Variants in KAZN observed in about 807,000 individuals in gnomAD.
KAZN encodes the protein kazrin.
In KAZN, 40 loss-of-function variants were observed where a neutral mutation model predicts 87.4. That is an observed-to-expected ratio of 0.46 (90% CI 0.36 to 0.60). The LOEUF (loss-of-function observed/expected upper bound fraction) is 0.60. Ranked by LOEUF, KAZN falls within the 20% of genes least tolerant of loss-of-function variation. The pLI is 0.00. For synonymous variants in KAZN, 466 were observed against 458.3 expected, an observed-to-expected ratio of 1.02 and a Z score of -0.22; for missense variants, 898 against 1,073.9, an observed-to-expected ratio of 0.84 and a Z score of 2.29.
At chr1:14,211,346 G>A (rs1571027045) in intron 2 of KAZN, among the ~76,000 whole-genome samples, 6 of 152,076 alleles carry the variant, frequency 3.9e-5, no homozygotes, top group South Asian at 2.1e-4. Flanking sequence ...TCAGCCTCCC[G>A]AGTAGCTGGG....
chr1:14,915,746 TG>T (rs979341381), intron 1 of KAZN, among the ~76,000 whole-genome samples: 9 of 152,250 alleles, frequency 5.9e-5, no homozygotes, highest in African/African-American at 2.2e-4. Flanking sequence ...CACATCACCT[TG>T]GATGAGTCCT....
chr1:14,044,109 A>ATC (rs70987715), intron 1 of KAZN, among the ~76,000 whole-genome samples: 52 of 149,918 alleles, frequency 3.5e-4, no homozygotes, highest in Non-Finnish European at 7.0e-4. Flanking sequence ...TCTCCATGTG[A>ATC]TCTCTCTCTC....
chr1:14,257,238 T>C (rs1357638443), intron 2 of KAZN, among the ~76,000 whole-genome samples: 1 of 151,868 alleles, frequency 6.6e-6, no homozygotes, highest in Admixed American at 6.6e-5. Context: ...GAGCATTTCT[T>C]CATGTGTTTT....
rs1670935262 is a variant in KAZN, at chr1:14,512,053, T to G, written c.250-86930T>G. Among the ~76,000 whole-genome samples, 2 of 152,124 alleles carry G rather than the reference T, an allele frequency of 1.3e-5. 1 individual carries two copies. The highest frequency in any genetic ancestry group is 2.9e-5 in the Non-Finnish European group (2 of 68,016). On this transcript the variant is annotated intron_variant, in intron 2 of 16. Transcript: ENST00000636203. ...AAATGTGGAGGGCACGCTGCTGTTT[T>G]CCCTACTGGCACAAATGCATGTTGA...
At chr1:14,709,706 T>C (rs1398346105) in intron 1 of KAZN, among the ~76,000 whole-genome samples, 1 of 152,126 alleles carries the variant, frequency 6.6e-6, no homozygotes, top group Non-Finnish European at 1.5e-5. Flanking sequence ...GTGGGCGTAG[T>C]TGAGGGATGG....
intron 2 of KAZN, among the ~76,000 whole-genome samples, chr1:14,541,115 A>G (rs1436308717): frequency 6.6e-6 from 1 of 152,180 alleles, no homozygotes; most frequent in Non-Finnish European, 1.5e-5. Flanking sequence ...AAAGTATTCA[A>G]GTGTAGCTCT....
At chr1:14,755,923 C>T (rs1333390448) in intron 1 of KAZN, among the ~76,000 whole-genome samples, 2 of 152,208 alleles carry the variant, frequency 1.3e-5, no homozygotes, top group African/African-American at 4.8e-5. Flanking sequence ...AGACGCCCCA[C>T]AGGCTGCAAA....
At chr1:15,102,206 C>T (rs1391049814) in intron 11 of KAZN, among the ~76,000 whole-genome samples, 1 of 151,472 alleles carries the variant, frequency 6.6e-6, no homozygotes, top group Non-Finnish European at 1.5e-5. Flanking sequence ...TGTATACCCA[C>T]AAAAATTAAA....
chr1:15,094,061 A>C lies in KAZN; in HGVS notation c.1223-119A>C. 1 of 796,308 alleles carries C rather than the reference A, an allele frequency of 1.3e-6. No individual in the cohort carries two copies. The highest frequency in any genetic ancestry group is 2.0e-6 in the Non-Finnish European group (1 of 510,792). 49.3% of individuals were successfully genotyped at this position (796,308 alleles called of 1,614,324 possible). On this transcript the variant is annotated intron_variant, in intron 8 of 14. Transcript: ENST00000376030. The surrounding 1 kb of genome is among the most constrained non-coding windows in gnomAD (Gnocchi z 4.5). ...ACGCCAAAAGCCACTTTGATTTTGAAGAGAATACATGGAGGGGAGGATGTC... is the reference window on the plus strand; with the variant it reads ...ACGCCAAAAGCCACTTTGATTTTGACGAGAATACATGGAGGGGAGGATGTC...
chr1:14,411,264 G>T (rs1275510163), intron 2 of KAZN, among the ~76,000 whole-genome samples: 1 of 152,166 alleles, frequency 6.6e-6, no homozygotes, highest in African/African-American at 2.4e-5. Flanking sequence ...ATTCAAGAGT[G>T]AGGATAAAAT....
chr1:14,420,620 G>T (rs1194383187), intron 2 of KAZN, among the ~76,000 whole-genome samples: 1 of 152,242 alleles, frequency 6.6e-6, no homozygotes, highest in African/African-American at 2.4e-5. Flanking sequence ...CTCAGGCATG[G>T]CCCGCTGCAG....
At chr1:14,287,961 G>T (rs1157837873) in intron 2 of KAZN, among the ~76,000 whole-genome samples, 2 of 152,212 alleles carry the variant, frequency 1.3e-5, no homozygotes, top group Non-Finnish European at 2.9e-5. Context: ...TGATGGTTGT[G>T]TTTATGTGAT....
At chr1:14,636,752 C>T (rs1394015111) in intron 1 of KAZN, among the ~76,000 whole-genome samples, 1 of 152,202 alleles carries the variant, frequency 6.6e-6, no homozygotes, top group African/African-American at 2.4e-5. Flanking sequence ...GGCTTTACGG[C>T]TAATCATGAG....
chr1:14,562,338 C>T (rs543655660), intron 2 of KAZN, among the ~76,000 whole-genome samples: 16 of 152,210 alleles, frequency 1.1e-4, no homozygotes, highest in African/African-American at 3.9e-4. Context: ...TGCTTGCTTT[C>T]GTATTCTGGA....
At chr1:14,352,386 T>A (rs528384893) in intron 2 of KAZN, among the ~76,000 whole-genome samples, 7 of 152,210 alleles carry the variant, frequency 4.6e-5, no homozygotes, top group African/African-American at 1.7e-4. Flanking sequence ...TAATATAATA[T>A]GGTCTTCCCT....
At chr1:14,202,280 G>A (rs1000959696) in intron 2 of KAZN, among the ~76,000 whole-genome samples, 20 of 152,152 alleles carry the variant, frequency 1.3e-4, no homozygotes, top group Non-Finnish European at 2.8e-4. Context: ...ACACACGTGC[G>A]TTCTGCTACA....
rs143115831 is a variant in KAZN at position 14,172,418 on chromosome 1, T to G, written c.92-8017T>G. 2.1e-4 allele frequency among the ~76,000 whole-genome samples: 32 copies of G among 152,158 alleles called. 1 individual carries two copies. Among genetic ancestry groups the G allele is most frequent in the African/African-American group, 7.0e-4 (29 of 41,538 alleles). The stretch of plus-strand genomic sequence containing the variant: ...TTTTTTTGCCCTTTTGGGCAAATAT[T>G]TGTTTGTTCGAGCACTATTATGTGC... On this transcript the variant is annotated intron_variant, in intron 1 of 16. Transcript: ENST00000636203.
chr1:14,465,272 G>A (rs577302407), intron 2 of KAZN, among the ~76,000 whole-genome samples: 69 of 151,924 alleles, frequency 4.5e-4, no homozygotes, highest in Non-Finnish European at 6.8e-4. Flanking sequence ...GGTGGAGGGC[G>A]CCTGTAGTCC....
chr1:14,653,483 C>T (rs909951233), intron 1 of KAZN, among the ~76,000 whole-genome samples: 24 of 152,292 alleles, frequency 1.6e-4, no homozygotes, highest in African/African-American at 5.5e-4. Context: ...AATGTAGGCC[C>T]GGGGCGGCCA....
Sources: allele counts gnomAD v4.1 joint callset (sites outside exome capture counted in the v4.1 genomes callset), GRCh38; gene constraint gnomAD v4.1.1; non-coding constraint Gnocchi (gnomAD v3.1); transcripts MANE v1.5; gene names NCBI Gene and HGNC (gene_info 2026-07-23, HGNC 2026-07-21).